Variants in PAN3 observed in about 807,000 individuals in gnomAD.
The protein encoded by PAN3 is poly(A) specific ribonuclease subunit PAN3.
A neutral mutation model predicts 96.2 loss-of-function variants in PAN3; 19 were observed. That is an observed-to-expected ratio of 0.20 (90% confidence interval 0.14 to 0.29). PAN3 has a LOEUF of 0.29. Ranked by LOEUF, PAN3 falls within the 10% of genes least tolerant of loss-of-function variation. PAN3 has a pLI of 1.00. For synonymous variants in PAN3, 433 were observed against 406.6 expected, an observed-to-expected ratio of 1.06 and a Z score of -0.78; for missense variants, 882 against 1,108.1, an observed-to-expected ratio of 0.80 and a Z score of 2.90.
At chr13:28,269,247 CTT>C (rs1221083055) in intron 12 of PAN3, among the ~76,000 whole-genome samples, 2 of 152,070 alleles carry the variant, frequency 1.3e-5, no homozygotes, top group African/African-American at 4.8e-5. Context: ...GAGAACCACT[CTT>C]TTATAGCATT....
chr13:28,157,799 A>G (rs932872700), intron 1 of PAN3, among the ~76,000 whole-genome samples: 78 of 152,354 alleles, frequency 5.1e-4, no homozygotes, highest in African/African-American at 1.8e-3. Context: ...TAAATATTCA[A>G]TGCTTTTCCT....
chr13:28,150,554 A>G (rs1038561168), intron 1 of PAN3, among the ~76,000 whole-genome samples: 1 of 151,176 alleles, frequency 6.6e-6, no homozygotes, highest in African/African-American at 2.4e-5. Flanking sequence ...GGAGAATGGC[A>G]TGAACCCGGG....
chr13:28,235,680 T>TATACACACAC (rs1413469972), intron 6 of PAN3, among the ~76,000 whole-genome samples: 1 of 109,538 alleles, frequency 9.1e-6, no homozygotes, highest in Non-Finnish European at 1.7e-5. Context: ...CTTTCTCTAA[T>TATACACACAC]ATACACACAC....
At chr13:28,225,642 T>C (rs1881916407) in intron 6 of PAN3, among the ~76,000 whole-genome samples, 1 of 152,202 alleles carries the variant, frequency 6.6e-6, no homozygotes, top group African/African-American at 2.4e-5. Flanking sequence ...GCCAGCCCAG[T>C]GTACATTTTA....
chr13:28,248,461 T>C (rs1884415709), intron 6 of PAN3, among the ~76,000 whole-genome samples: 1 of 152,192 alleles, frequency 6.6e-6, no homozygotes, highest in Non-Finnish European at 1.5e-5. Context: ...AGTACTATAT[T>C]GAATAAAAGT....
chr13:28,292,595 T>A lies in PAN3; in HGVS notation c.*73T>A. On this transcript the variant is annotated 3_prime_UTR_variant, in exon 19 of 19. Transcript: ENST00000380958. ...AGCAAATTGCACTACAGCTGAACTT[T>A]TCATCATCTCATTCACATTTGGGAA... The A allele has an allele frequency of 7.1e-7, 1 of 1,412,806 alleles. No individual in the cohort carries two copies. The highest frequency in any genetic ancestry group is 2.3e-5 in the Admixed American group (1 of 43,578). 87.5% of individuals were successfully genotyped at this position (1,412,806 alleles called of 1,614,324 possible).
intron 12 of PAN3, among the ~76,000 whole-genome samples, chr13:28,269,516 A>G (rs1254397868): frequency 1.3e-5 from 2 of 152,280 alleles, no homozygotes; most frequent in Non-Finnish European, 2.9e-5. Flanking sequence ...AAATGAGAAG[A>G]ATAGCATACC....
At chr13:28,257,759 A>ATT (rs1449100973) in intron 7 of PAN3, among the ~76,000 whole-genome samples, 3 of 112,396 alleles carry the variant, frequency 2.7e-5, no homozygotes, top group East Asian at 2.0e-4. Flanking sequence ...TATATAATTA[A>ATT]TTATATATTA....
chr13:28,171,449 C>G (rs1033578597), intron 1 of PAN3, among the ~76,000 whole-genome samples: 1 of 152,204 alleles, frequency 6.6e-6, no homozygotes, highest in Non-Finnish European at 1.5e-5. Context: ...CAAGACTGCT[C>G]TCCACTTCAG....
At chr13:28,250,078 A>G (rs553644250) in intron 6 of PAN3, among the ~76,000 whole-genome samples, 3 of 152,244 alleles carry the variant, frequency 2.0e-5, no homozygotes, top group South Asian at 4.1e-4. Context: ...TACAGTTAGC[A>G]TAATTATTTT....
At chr13:28,265,719 G>GTT (rs1250740692) in intron 9 of PAN3, among the ~76,000 whole-genome samples, 8 of 10,044 alleles carry the variant, frequency 8.0e-4, no homozygotes, top group Admixed American at 1.7e-3. Context: ...TGTTTATAGG[G>GTT]TTTTTTTTTT....
In PAN3 at chr13:28,178,044, G is replaced by A. The variant is rs1875281280; in HGVS notation, c.690+109G>A. 25 of 897,814 alleles carry A rather than the reference G, an allele frequency of 2.8e-5. No individual in the cohort carries two copies. In the South Asian group the frequency reaches 3.6e-4, roughly 13 times the overall value. The allele number at this position is 897,814 out of a possible 1,614,324, so 55.6% of individuals were successfully genotyped here. ...TGTAAGTGGAGGGAGAGCTTTTTATGGGCTTTAGTGTTTTTCCTGCCTTTT... is the reference window on the plus strand; with the variant it reads ...TGTAAGTGGAGGGAGAGCTTTTTATAGGCTTTAGTGTTTTTCCTGCCTTTT... On this transcript the variant is annotated intron_variant, in intron 4 of 18. Transcript: ENST00000380958.
At chr13:28,150,765 A>T (rs1871268895) in intron 1 of PAN3, among the ~76,000 whole-genome samples, 1 of 152,188 alleles carries the variant, frequency 6.6e-6, no homozygotes, top group Non-Finnish European at 1.5e-5. Context: ...TTAATTGGTT[A>T]ATAAACATTT....
At chr13:28,144,911 G>T (rs1870422840) in intron 1 of PAN3, among the ~76,000 whole-genome samples, 1 of 150,990 alleles carries the variant, frequency 6.6e-6, no homozygotes, top group African/African-American at 2.4e-5. Context: ...GTAGAGATGG[G>T]GTTTCACCAT....
intron 1 of PAN3, among the ~76,000 whole-genome samples, chr13:28,172,891 C>T (rs1241011472): frequency 2.0e-5 from 3 of 152,068 alleles, no homozygotes; most frequent in Non-Finnish European, 4.4e-5. Flanking sequence ...ATCGTCTCTA[C>T]AAAAACAAAA....
At chr13:28,222,136 G>A (rs1023891124) in intron 6 of PAN3, among the ~76,000 whole-genome samples, 2 of 152,046 alleles carry the variant, frequency 1.3e-5, no homozygotes, top group Non-Finnish European at 2.9e-5. Context: ...AAAAAAATTA[G>A]CCTTTTCAAT....
intron 4 of PAN3, among the ~76,000 whole-genome samples, chr13:28,182,098 A>T (rs1161059464): frequency 1.3e-5 from 2 of 152,228 alleles, no homozygotes; most frequent in African/African-American, 2.4e-5. Flanking sequence ...AAAATTTCCA[A>T]TGAGAAATTA....
At chr13:28,261,163 C>T (rs1019139369) in intron 8 of PAN3, among the ~76,000 whole-genome samples, 1 of 152,138 alleles carries the variant, frequency 6.6e-6, no homozygotes, top group Admixed American at 6.6e-5. Context: ...AGCCCAGCTA[C>T]CCGTGTTTAA....
intron 2 of PAN3, among the ~76,000 whole-genome samples, 153 bp from the exon 3 acceptor site, chr13:28,176,340 A>C (rs1375012080): frequency 6.6e-6 from 1 of 152,156 alleles, no homozygotes; most frequent in Non-Finnish European, 1.5e-5. Flanking sequence ...CATAGTTGTA[A>C]TCCAAGCAGT....
Sources: gnomAD v4.1 joint callset for allele counts (sites outside exome capture counted in the v4.1 genomes callset) on GRCh38, gnomAD v4.1.1 for gene constraint, MANE v1.5 for transcripts, NCBI Gene and HGNC (gene_info 2026-07-23, HGNC 2026-07-21) for gene names.